The following ZFHX3 variants were observed in gnomAD, a reference collection of about 807,000 sequenced individuals.
ZFHX3 encodes the protein zinc finger homeobox 3.
A neutral mutation model predicts 279.1 loss-of-function variants in ZFHX3; 42 were observed. The observed-to-expected ratio is 0.15, with a 90% confidence interval of 0.12 to 0.19. The LOEUF (loss-of-function observed/expected upper bound fraction) is 0.19, where lower values mean the gene tolerates loss of function less well. ZFHX3 is among the 10% of genes least tolerant of loss of function. ZFHX3 has a pLI of 1.00. For synonymous variants in ZFHX3, 2,293 were observed against 1,957.8 expected (o/e 1.17, Z -4.52); for missense variants, 4,981 against 4,754.0 (o/e 1.05, Z -1.40).
intron 1 of ZFHX3, among the ~76,000 whole-genome samples, chr16:73,682,354 A>T (rs1474313965): frequency 1.3e-5 from 2 of 152,172 alleles, no homozygotes; most frequent in Admixed American, 1.3e-4. Context: ...GGTTTTAATC[A>T]TAAGGCACAT....
At chr16:73,093,011 G>C (rs548226547) in intron 8 of ZFHX3, 2 of 519,668 alleles carry the variant, frequency 3.8e-6, no homozygotes, top group South Asian at 1.4e-5. Context: ...CTTTTTCTTC[G>C]GGCCCTTGTT....
rs139529206 is a variant in ZFHX3, at chr16:73,080,041, C to G, written c.-533+13194G>C. Among the ~76,000 whole-genome samples, 13 of 152,280 alleles carry G rather than the reference C, an allele frequency of 8.5e-5. 1 individual carries two copies. The East Asian group carries it at 2.5e-3, about 29-fold the overall frequency. ...CTAGGAACTGCCAGTTTCTTCAACT[C>G]TTTTTCACAGGCTCTGCCTCTGAGT... On this transcript the variant is annotated intron_variant, in intron 8 of 17. Transcript: ENST00000641206.
chr16:73,356,725 T>C (rs2016346898), intron 3 of ZFHX3, among the ~76,000 whole-genome samples: 1 of 152,222 alleles, frequency 6.6e-6, no homozygotes, highest in African/African-American at 2.4e-5. Flanking sequence ...TGAAAGTATT[T>C]GTGGCTATCA....
chr16:73,204,794 C>G (rs906951750), intron 5 of ZFHX3, among the ~76,000 whole-genome samples: 6 of 152,194 alleles, frequency 3.9e-5, no homozygotes. Flanking sequence ...GCTAGTTGAA[C>G]CTTCACAATA....
At chr16:72,802,533 A>G (rs1476519070) in intron 7 of ZFHX3, among the ~76,000 whole-genome samples, 1 of 152,086 alleles carries the variant, frequency 6.6e-6, no homozygotes, top group African/African-American at 2.4e-5. Flanking sequence ...TTTCTCATCT[A>G]TAGTGTACCC....
In ZFHX3 at chr16:73,360,511, G is replaced by C. The variant is rs147445134; in HGVS notation, c.-1290-42175C>G. ...CCACCGCTATGCCCAGCTAATTTTT[G>C]TATTTTTAGTAGAGACAGGGTTTCG... On this transcript the variant is annotated intron_variant, in intron 3 of 17. Coordinates refer to the ZFHX3 transcript ENST00000641206. 6.6e-5 allele frequency among the ~76,000 whole-genome samples: 10 copies of C among 152,246 alleles called. No individual in the cohort carries two copies. In the East Asian group the frequency reaches 1.9e-3, roughly 29 times the overall value.
intron 2 of ZFHX3, among the ~76,000 whole-genome samples, chr16:73,461,967 C>A (rs530418605): frequency 1.2e-3 from 179 of 152,270 alleles, no homozygotes; most frequent in African/African-American, 4.1e-3. Context: ...GGAAAATTGA[C>A]ATCTTTCCTA....
intron 7 of ZFHX3, among the ~76,000 whole-genome samples, chr16:73,129,070 C>T (rs1020855002): frequency 9.2e-5 from 14 of 152,020 alleles, no homozygotes; most frequent in African/African-American, 3.4e-4. Flanking sequence ...CCCAGATGAC[C>T]GGTGGAGAAA....
chr16:72,977,248 A>G (rs536799173), intron 1 of ZFHX3, among the ~76,000 whole-genome samples: 70 of 152,128 alleles, frequency 4.6e-4, no homozygotes, highest in African/African-American at 1.5e-3. Context: ...GCGACTTTAT[A>G]AACTCCACAC....
chr16:73,183,624 G>T (rs1221555972), intron 5 of ZFHX3, among the ~76,000 whole-genome samples: 2 of 152,146 alleles, frequency 1.3e-5, no homozygotes, highest in Non-Finnish European at 2.9e-5. Flanking sequence ...GACTTCACAC[G>T]CTGTCTTACG....
At chr16:73,575,556 T>A (rs2051791283) in intron 2 of ZFHX3, among the ~76,000 whole-genome samples, 1 of 152,126 alleles carries the variant, frequency 6.6e-6, no homozygotes, top group Non-Finnish European at 1.5e-5. Flanking sequence ...GGGTCTGGAG[T>A]GAGAGAAATA....
intron 2 of ZFHX3, 139 bp from the exon 3 acceptor site, chr16:72,951,104 C>T: frequency 8.2e-7 from 1 of 1,226,442 alleles, no homozygotes; most frequent in East Asian, 2.4e-5. Flanking sequence ...CAAAGGGCTA[C>T]TGGCTGGAAA....
At chr16:73,824,109 T>C (rs1055639649) in intron 1 of ZFHX3, among the ~76,000 whole-genome samples, 2 of 152,122 alleles carry the variant, frequency 1.3e-5, no homozygotes, top group Admixed American at 6.5e-5. Flanking sequence ...AAACACTAAA[T>C]AAACAAAGTT....
chr16:73,594,791 T>C (rs1015556012), intron 2 of ZFHX3, among the ~76,000 whole-genome samples: 1 of 152,218 alleles, frequency 6.6e-6, no homozygotes, highest in Non-Finnish European at 1.5e-5. Context: ...TGATAGTTTC[T>C]CTTTGAGCCA....
chr16:73,356,162 G>C (rs575665824), intron 3 of ZFHX3, among the ~76,000 whole-genome samples: 1 of 152,138 alleles, frequency 6.6e-6, no homozygotes, highest in Non-Finnish European at 1.5e-5. Flanking sequence ...TCTGAATGGC[G>C]GAGTCACCCC....
intron 1 of ZFHX3, among the ~76,000 whole-genome samples, chr16:73,878,336 G>T (rs573174282): frequency 1.3e-5 from 2 of 152,240 alleles, no homozygotes; most frequent in South Asian, 2.1e-4. Flanking sequence ...TATAAAGAGA[G>T]TTTGAAAACA....
intron 3 of ZFHX3, among the ~76,000 whole-genome samples, chr16:73,429,523 G>A (rs565878337): frequency 3.3e-3 from 507 of 152,024 alleles, no homozygotes; most frequent in Non-Finnish European, 5.1e-3. Context: ...AGTAGAGATG[G>A]GGTTTCATCA....
At chr16:73,635,970 G>A (rs1028521019) in intron 2 of ZFHX3, among the ~76,000 whole-genome samples, 1 of 152,024 alleles carries the variant, frequency 6.6e-6, no homozygotes, top group Admixed American at 6.6e-5. Context: ...TTGTTGATAG[G>A]GTTAGTCATT....
At chr16:73,589,830 T>C (rs2051975402) in intron 2 of ZFHX3, among the ~76,000 whole-genome samples, 1 of 119,346 alleles carries the variant, frequency 8.4e-6, no homozygotes, top group South Asian at 3.0e-4. Context: ...AAAACAGCAA[T>C]AAACTAGAAA....
Sources: gnomAD v4.1 joint callset for allele counts (sites outside exome capture counted in the v4.1 genomes callset) on GRCh38, gnomAD v4.1.1 for gene constraint, MANE v1.5 for transcripts, NCBI Gene and HGNC (gene_info 2026-07-23, HGNC 2026-07-21) for gene names.